Variants in PAK1 observed in about 807,000 individuals in gnomAD.
PAK1 encodes p21 (RAC1) activated kinase 1, also known as serine/threonine-protein kinase PAK 1.
In PAK1, 29 loss-of-function variants were observed where a neutral mutation model predicts 67.4. The ratio of observed to expected loss-of-function variants is 0.43; its 90% confidence interval spans 0.32 to 0.59. PAK1 has a LOEUF of 0.59. Ranked by LOEUF, PAK1 falls within the 20% of genes least tolerant of loss-of-function variation. The pLI, the probability that PAK1 is intolerant of heterozygous loss-of-function variation, is 0.07. For missense variants in PAK1, 337 were observed against 670.7 expected, an observed-to-expected ratio of 0.50 and a Z score of 5.50; for synonymous variants, 223 against 237.4, an observed-to-expected ratio of 0.94 and a Z score of 0.56.
intron 1 of PAK1, among the ~76,000 whole-genome samples, chr11:77,434,897 A>C (rs1004598669): frequency 2.0e-5 from 3 of 151,928 alleles, no homozygotes; most frequent in Admixed American, 2.0e-4. Flanking sequence ...GGGATTACAG[A>C]CATAAGCCAC....
chr11:77,370,555 G>A (rs1048831351), intron 5 of PAK1, among the ~76,000 whole-genome samples: 1 of 151,982 alleles, frequency 6.6e-6, no homozygotes, highest in Admixed American at 6.6e-5. Context: ...ATTTTCTCTG[G>A]AGCTACTTTC....
chr11:77,412,307 G>C (rs1192126881), intron 1 of PAK1, among the ~76,000 whole-genome samples: 1 of 152,096 alleles, frequency 6.6e-6, no homozygotes, highest in Non-Finnish European at 1.5e-5. Flanking sequence ...AGGCCTCAGA[G>C]AAAGAGATAC....
At chr11:77,351,861 G>A (rs1230826162) in intron 8 of PAK1, among the ~76,000 whole-genome samples, 1 of 148,712 alleles carries the variant, frequency 6.7e-6, no homozygotes, top group African/African-American at 2.5e-5. Context: ...ATCTCTTTTG[G>A]TGGGTCTTTA....
the PAK1 span, among the ~76,000 whole-genome samples, chr11:77,521,700 T>A: frequency 6.6e-6 from 1 of 152,166 alleles, no homozygotes; most frequent in Non-Finnish European, 1.5e-5. Context: ...AAGATTTGGG[T>A]GCATGGGGCT....
At chr11:77,464,577 T>C (rs1957507183) in intron 1 of PAK1, among the ~76,000 whole-genome samples, 1 of 152,214 alleles carries the variant, frequency 6.6e-6, no homozygotes, top group Non-Finnish European at 1.5e-5. Flanking sequence ...TGTAGTCTAA[T>C]TAAGGAATAA....
chr11:77,496,215 C>G, the PAK1 span, among the ~76,000 whole-genome samples: 1 of 151,924 alleles, frequency 6.6e-6, no homozygotes, highest in Non-Finnish European at 1.5e-5. Context: ...GACGGGGTTT[C>G]ACTCTGTTGG....
chr11:77,529,650 G>A, the PAK1 span, among the ~76,000 whole-genome samples: 1 of 152,130 alleles, frequency 6.6e-6, no homozygotes, highest in Non-Finnish European at 1.5e-5. Context: ...GAAGGCTCTT[G>A]GAATGCAGGA....
intron 1 of PAK1, among the ~76,000 whole-genome samples, chr11:77,413,871 G>A (rs1476116910): frequency 6.6e-6 from 1 of 152,148 alleles, no homozygotes; most frequent in East Asian, 1.9e-4. Flanking sequence ...CAGGGTGAAT[G>A]AGAGCCAGAA....
chr11:77,336,893 T>C (rs922809561), intron 12 of PAK1, among the ~76,000 whole-genome samples: 2 of 152,114 alleles, frequency 1.3e-5, no homozygotes, highest in African/African-American at 4.8e-5. Context: ...TTTGAGAGTA[T>C]GGATTATGTC....
chr11:77,383,600 C>A (rs1416502525), intron 2 of PAK1, among the ~76,000 whole-genome samples: 3 of 152,160 alleles, frequency 2.0e-5, no homozygotes, highest in Non-Finnish European at 4.4e-5. Context: ...GCTGGTATTA[C>A]AGGCATGAGC....
intron 5 of PAK1, among the ~76,000 whole-genome samples, chr11:77,366,293 T>C (rs961928737): frequency 2.6e-5 from 4 of 152,174 alleles, no homozygotes; most frequent in Non-Finnish European, 4.4e-5. Context: ...AAACGGTAAA[T>C]ATGTAGATTA....
At chr11:77,326,966 C>T (rs1940085762) in intron 14 of PAK1, among the ~76,000 whole-genome samples, 1 of 152,142 alleles carries the variant, frequency 6.6e-6, no homozygotes, top group South Asian at 2.1e-4. Context: ...AAAACCAAGG[C>T]ACGAGAGCTA....
rs11237174 is a variant in PAK1 at position 77,383,426 on chromosome 11, G to A, written c.191-3432C>T. Reference sequence around the variant, plus strand: ...TGCAACCTCCACCTCCCCGGTTCAAGCAATTCTCCCTGCCTCAGCCTCCCA... The same window carrying A: ...TGCAACCTCCACCTCCCCGGTTCAAACAATTCTCCCTGCCTCAGCCTCCCA... On this transcript the variant is annotated intron_variant, in intron 2 of 14. Transcript: ENST00000356341. 3.1e-4 allele frequency among the ~76,000 whole-genome samples: 47 copies of A among 150,900 alleles called. No homozygotes were observed. In the East Asian group the frequency reaches 6.5e-3, roughly 21 times the overall value.
At chr11:77,391,894 T>C (rs892838162) in intron 2 of PAK1, among the ~76,000 whole-genome samples, 1 of 152,206 alleles carries the variant, frequency 6.6e-6, no homozygotes, top group Non-Finnish European at 1.5e-5. Flanking sequence ...TACTGATACG[T>C]AGTCCCCAAA....
the PAK1 span, among the ~76,000 whole-genome samples, chr11:77,495,845 T>C: frequency 2.0e-5 from 3 of 152,114 alleles, no homozygotes; most frequent in Non-Finnish European, 2.9e-5. Context: ...GTCAAATTCA[T>C]AGAGACAGAA....
In PAK1 at chr11:77,455,470, T is replaced by C. The variant is rs902419038; in HGVS notation, c.-22+18082A>G. Among the ~76,000 whole-genome samples, 3 of 152,252 alleles carry C rather than the reference T, an allele frequency of 2.0e-5. No individual in the cohort carries two copies. The East Asian group carries it at 5.8e-4, about 29-fold the overall frequency. ...CAAACTGCAGCAGAGGCAGCATAGT[T>C]CTCTATCTAGCAACTGTAGCAACAG... On this transcript the variant is annotated intron_variant, in intron 1 of 14. Transcript: ENST00000356341.
intron 1 of PAK1, among the ~76,000 whole-genome samples, chr11:77,393,432 C>CT (rs1667918726): frequency 6.6e-6 from 1 of 151,950 alleles, no homozygotes; most frequent in South Asian, 2.1e-4. Context: ...GTAGCTGGGA[C>CT]TACAGGCATG....
At chr11:77,373,217 T>C (rs941348889) in intron 5 of PAK1, among the ~76,000 whole-genome samples, 4 of 152,122 alleles carry the variant, frequency 2.6e-5, no homozygotes, top group Non-Finnish European at 5.9e-5. Flanking sequence ...ACCACCTATG[T>C]ACAAGAGACA....
intron 5 of PAK1, 61 bp from the exon 6 acceptor site, chr11:77,359,078 G>A (rs755666989): frequency 1.9e-6 from 3 of 1,542,682 alleles, no homozygotes; most frequent in Non-Finnish European, 1.8e-6. Context: ...TAACTATCAG[G>A]ATCACCAAAC....
Sources: gnomAD v4.1 joint callset for allele counts (sites outside exome capture counted in the v4.1 genomes callset) on GRCh38, gnomAD v4.1.1 for gene constraint, MANE v1.5 for transcripts, NCBI Gene and HGNC (gene_info 2026-07-23, HGNC 2026-07-21) for gene names.